The following SOS2 variants were observed in gnomAD, a reference collection of about 807,000 sequenced individuals.
The protein encoded by SOS2 is SOS Ras/Rho guanine nucleotide exchange factor 2.
Under a neutral mutation model 148.2 loss-of-function variants are expected in SOS2, and 65 were observed. The observed-to-expected ratio is 0.44, with a 90% CI of 0.36 to 0.54. SOS2 has a LOEUF of 0.54. Ranked by LOEUF, SOS2 falls within the 20% of genes least tolerant of loss-of-function variation. SOS2 has a pLI of 0.00. For synonymous variants in SOS2, 539 were observed against 537.1 expected (o/e 1.00, Z -0.05); for missense variants, 1,341 against 1,590.2 (o/e 0.84, Z 2.67).
At position 50,160,398 on chromosome 14, in the gene SOS2, TTTTTTTTTTTTTTTTG is replaced by T. The variant is rs1463669768; in HGVS notation, c.1197-328_1197-313del. On this transcript the variant is annotated intron_variant, in intron 9 of 22. Transcript: ENST00000216373. ...GCTAATCTTTTTTTTTTTTTTTTTT[TTTTTTTTTTTTTTTTG>T]GAGCTCTTGTCCCCCAGGCTGGAAT... 9.1e-5 allele frequency among the ~76,000 whole-genome samples: 8 copies of T among 87,974 alleles called. No homozygotes were observed. In the East Asian group the frequency reaches 5.0e-3, roughly 55 times the overall value. The allele number at this position is 87,974 out of a possible 152,430, so 57.7% of individuals were successfully genotyped here. A position where few individuals can be genotyped will look rare whatever the true frequency, so the allele number is the denominator to read the frequency against.
At chr14:50,167,822 A>ATC (rs59671070) in intron 8 of SOS2, among the ~76,000 whole-genome samples, 133,205 of 150,028 alleles carry the variant, frequency 0.89, 59,236 homozygotes, top group African/African-American at 0.92. Flanking sequence ...GTGAGCCGAG[A>ATC]TCACCACTGC....
intron 1 of SOS2, among the ~76,000 whole-genome samples, chr14:50,214,183 TAAAG>T (rs1566483306): frequency 1.3e-5 from 2 of 152,028 alleles, no homozygotes; most frequent in African/African-American, 2.4e-5. Flanking sequence ...AACTAATTGA[TAAAG>T]AAAAATAATT....
chr14:50,121,017 C>A (rs1460152136), intron 21 of SOS2, among the ~76,000 whole-genome samples: 1 of 152,128 alleles, frequency 6.6e-6, no homozygotes, highest in Non-Finnish European at 1.5e-5. Context: ...GGATTACAGG[C>A]ATGAACCACC....
At chr14:50,222,973 T>G (rs1263746327) in intron 1 of SOS2, among the ~76,000 whole-genome samples, 1 of 152,080 alleles carries the variant, frequency 6.6e-6, no homozygotes, top group Non-Finnish European at 1.5e-5. Flanking sequence ...AGGAGATTGG[T>G]GATGATGACT....
At chr14:50,183,529 C>G (rs1489814277) in intron 5 of SOS2, among the ~76,000 whole-genome samples, 3 of 152,090 alleles carry the variant, frequency 2.0e-5, no homozygotes, top group Non-Finnish European at 4.4e-5. Context: ...AAAAATACTA[C>G]AAAATATAGA....
At chr14:50,212,418 G>T (rs1256779987) in intron 1 of SOS2, among the ~76,000 whole-genome samples, 1 of 152,214 alleles carries the variant, frequency 6.6e-6, no homozygotes, top group Non-Finnish European at 1.5e-5. Flanking sequence ...AGGTTGCAGT[G>T]AGCAAAGATC....
chr14:50,166,837 C>A (rs976109331), intron 8 of SOS2, among the ~76,000 whole-genome samples: 5 of 152,060 alleles, frequency 3.3e-5, no homozygotes, highest in Admixed American at 1.3e-4. Flanking sequence ...GTAATCAATT[C>A]TTTTTTATTA....
At chr14:50,122,588 T>C (rs2139481847) in intron 21 of SOS2, among the ~76,000 whole-genome samples, 1 of 152,094 alleles carries the variant, frequency 6.6e-6, no homozygotes, top group East Asian at 1.9e-4. Flanking sequence ...ACACGCACAC[T>C]CATGGAAGCA....
At chr14:50,179,642 G>C (rs1436496219) in intron 7 of SOS2, among the ~76,000 whole-genome samples, 2 of 152,182 alleles carry the variant, frequency 1.3e-5, no homozygotes, top group East Asian at 3.9e-4. Context: ...TGGGATTATA[G>C]GCAAGAGCCA....
At chr14:50,144,573 G>A (rs1279451268) in intron 16 of SOS2, among the ~76,000 whole-genome samples, 2 of 152,082 alleles carry the variant, frequency 1.3e-5, no homozygotes, top group Non-Finnish European at 2.9e-5. Context: ...AAGTAGCTGG[G>A]ATAACAGGCG....
Position 50,161,491 on chromosome 14 carries a change from C to T in SOS2, c.1187G>A (p.Arg396His), listed in dbSNP as rs770781571. The change falls in exon 9 of 23, where the codon CGT becomes CAT. Residue 396 changes from arginine to histidine, a missense_variant. Arg to His is a conservative substitution (Grantham distance 29). Around this residue, in one of 4 missense-constraint regions of SOS2, gnomAD observed 574 missense variants for 711.1 expected, o/e 0.81. Transcript: ENST00000216373. ...AACACTTTGGAATTACCCAGGTCGACGTCTAGGTGAATACTGCTTGTAAAT... is the reference window on the plus strand; with the variant it reads ...AACACTTTGGAATTACCCAGGTCGATGTCTAGGTGAATACTGCTTGTAAAT... ...DRIYKQYSPRRRPGDPVCPFY... is the reference protein window; with the variant it reads ...DRIYKQYSPRHRPGDPVCPFY... 40 of 1,611,480 alleles carry T rather than the reference C, an allele frequency of 2.5e-5. No individual in the cohort carries two copies. Among genetic ancestry groups the T allele is most frequent in the East Asian group, 1.3e-4 (6 of 44,748 alleles).
At chr14:50,229,031 TC>T in intron 1 of SOS2, among the ~76,000 whole-genome samples, 1 of 152,140 alleles carries the variant, frequency 6.6e-6, no homozygotes, top group South Asian at 2.1e-4. Flanking sequence ...AGACAGAGAC[TC>T]CCCCAAAATG....
upstream of SOS2, chr14:50,231,637 GC>G (rs1887552250): frequency 6.3e-6 from 1 of 159,472 alleles, no homozygotes; most frequent in African/African-American, 2.4e-5. Context: ...AGCTGGCCCA[GC>G]CCCGCCCCGA....
At chr14:50,195,462 T>G (rs1886284117) in intron 4 of SOS2, among the ~76,000 whole-genome samples, 2 of 151,180 alleles carry the variant, frequency 1.3e-5, no homozygotes, top group East Asian at 3.9e-4. Flanking sequence ...AATGACTTAT[T>G]AAAAAAAAAT....
At chr14:50,222,841 G>A (rs1887240168) in intron 1 of SOS2, among the ~76,000 whole-genome samples, 2 of 152,188 alleles carry the variant, frequency 1.3e-5, no homozygotes, top group South Asian at 2.1e-4. Context: ...GAAGCACTGA[G>A]AGGGTTTTGA....
intron 20 of SOS2, 107 bp from the exon 21 acceptor site, chr14:50,130,109 C>G (rs1883818033): frequency 1.5e-6 from 1 of 665,508 alleles, no homozygotes; most frequent in Non-Finnish European, 2.5e-6. Context: ...ATTTTATCAT[C>G]ATCTTTTGCC....
chr14:50,171,924 C>G (rs1885379234), intron 8 of SOS2, among the ~76,000 whole-genome samples: 1 of 152,084 alleles, frequency 6.6e-6, no homozygotes, highest in Non-Finnish European at 1.5e-5. Flanking sequence ...TACAGACTTT[C>G]TTGTACATTT....
At chr14:50,134,285 T>TGCAC in intron 18 of SOS2, 46 bp from the exon 19 acceptor site, 1 of 856,770 alleles carries the variant, frequency 1.2e-6, no homozygotes, top group Non-Finnish European at 1.9e-6. Flanking sequence ...TAAGTATATA[T>TGCAC]TTTAGATCTT....
intron 2 of SOS2, 60 bp from the exon 3 acceptor site, chr14:50,201,144 C>A: frequency 6.6e-7 from 1 of 1,505,950 alleles, no homozygotes; most frequent in Non-Finnish European, 9.1e-7. Context: ...ATAGGAAATT[C>A]ATACAAAATT....
Sources: gnomAD v4.1 joint callset for allele counts (sites outside exome capture counted in the v4.1 genomes callset) on GRCh38, gnomAD v4.1.1 for gene constraint, gnomAD v4.1.1 regional missense constraint, MANE v1.5 for transcripts, NCBI Gene and HGNC (gene_info 2026-07-23, HGNC 2026-07-21) for gene names.